Variants in FAM149B1 observed in about 807,000 individuals in gnomAD.
FAM149B1 encodes family with sequence similarity 149 member B1.
FAM149B1 carries 56 observed loss-of-function variants against 75.3 expected under a neutral mutation model. The ratio of observed to expected loss-of-function variants is 0.74; its 90% CI spans 0.60 to 0.93. The LOEUF is 0.93. FAM149B1 is among the 40% of genes least tolerant of loss of function. The pLI, the probability that FAM149B1 is intolerant of heterozygous loss-of-function variation, is 0.00. For missense variants in FAM149B1, 639 were observed against 708.4 expected, an observed-to-expected ratio of 0.90 and a Z score of 1.11; for synonymous variants, 259 against 256.1, an observed-to-expected ratio of 1.01 and a Z score of -0.11.
At chr10:73,177,246 C>T (rs1371778627) in intron 2 of FAM149B1, among the ~76,000 whole-genome samples, 1 of 152,044 alleles carries the variant, frequency 6.6e-6, no homozygotes, top group Non-Finnish European at 1.5e-5. Context: ...TCAGATACTA[C>T]TATTAGCATT....
chr10:73,231,941 G>T (rs1173885611), intron 9 of FAM149B1, among the ~76,000 whole-genome samples: 1 of 144,938 alleles, frequency 6.9e-6, no homozygotes, highest in Admixed American at 6.8e-5. Context: ...AAAAAAAAAG[G>T]CATAAGTGAA....
chr10:73,194,660 G>C (rs939890987), intron 5 of FAM149B1, among the ~76,000 whole-genome samples: 10 of 137,092 alleles, frequency 7.3e-5, no homozygotes, highest in African/African-American at 1.3e-4. Context: ...ACCGCACCCA[G>C]ACTTTTTTTT....
chr10:73,197,838 A>G (rs1296508761), intron 5 of FAM149B1, among the ~76,000 whole-genome samples: 1 of 152,154 alleles, frequency 6.6e-6, no homozygotes, highest in East Asian at 1.9e-4. Context: ...AGGCCAGAAA[A>G]GGATCCTGAA....
chr10:73,181,293 G>A (rs963179149), intron 3 of FAM149B1, among the ~76,000 whole-genome samples: 1 of 152,180 alleles, frequency 6.6e-6, no homozygotes, highest in South Asian at 2.1e-4. Flanking sequence ...ATAGGCGTGA[G>A]CCACCACACC....
At chr10:73,205,135 C>T (rs2043027709) in intron 5 of FAM149B1, among the ~76,000 whole-genome samples, 1 of 151,462 alleles carries the variant, frequency 6.6e-6, no homozygotes, top group Admixed American at 6.6e-5. Context: ...TTTTAAAAAA[C>T]TTGTTGTATA....
intron 1 of FAM149B1, among the ~76,000 whole-genome samples, chr10:73,168,621 T>A (rs1007180927): frequency 4.6e-5 from 7 of 152,242 alleles, no homozygotes; most frequent in Non-Finnish European, 7.3e-5. Flanking sequence ...GAAGCATTTG[T>A]AGCATCCGCA....
At chr10:73,219,536 G>A (rs1235226136) in intron 7 of FAM149B1, among the ~76,000 whole-genome samples, 1 of 152,342 alleles carries the variant, frequency 6.6e-6, no homozygotes, top group Non-Finnish European at 1.5e-5. Context: ...AAAACTGGTT[G>A]TGTGAAACTG....
At position 73,170,826 on chromosome 10, in the gene FAM149B1, A is replaced by G. The variant is rs144949241; in HGVS notation, c.47+2440A>G. Reference sequence around the variant, plus strand: ...TGTGAGGAAACTGTCTTTTCCCAATAAAGTGACTGAGGTTTAGCTAAAAAT... The same window carrying G: ...TGTGAGGAAACTGTCTTTTCCCAATGAAGTGACTGAGGTTTAGCTAAAAAT... On this transcript the variant is annotated intron_variant, in intron 1 of 13. Coordinates refer to ENST00000242505, the MANE Select transcript of FAM149B1 (RefSeq NM_173348.2). Among the ~76,000 whole-genome samples, 291 of 152,350 alleles carry G rather than the reference A, an allele frequency of 1.9e-3. 3 individuals carry two copies. The highest frequency in any genetic ancestry group is 6.6e-3 in the African/African-American group (274 of 41,590).
intron 8 of FAM149B1, among the ~76,000 whole-genome samples, chr10:73,229,843 T>A (rs2043642924): frequency 1.3e-5 from 2 of 152,184 alleles, no homozygotes; most frequent in Admixed American, 6.5e-5. Context: ...AATGAGCTGA[T>A]GACCTGAGAA....
At chr10:73,228,257 C>A (rs370931875) in intron 8 of FAM149B1, 73 bp downstream of exon 8, 24 of 1,299,334 alleles carry the variant, frequency 1.8e-5, no homozygotes, top group African/African-American at 1.5e-4. Flanking sequence ...GAGTTGTTTG[C>A]CTTACTTGTA....
intron 5 of FAM149B1, among the ~76,000 whole-genome samples, chr10:73,195,035 T>A (rs1331067529): frequency 6.6e-6 from 1 of 152,206 alleles, no homozygotes; most frequent in Non-Finnish European, 1.5e-5. Context: ...ACTTTTTAAA[T>A]AGTAGCAAAA....
At chr10:73,180,543 G>A (rs545983630) in intron 3 of FAM149B1, among the ~76,000 whole-genome samples, 37 of 152,176 alleles carry the variant, frequency 2.4e-4, no homozygotes, top group South Asian at 1.5e-3. Context: ...ACTTATAAAC[G>A]TCATACAGAT....
chr10:73,240,913 T>C, intron 13 of FAM149B1, 33 bp from the exon 14 acceptor site: 1 of 1,272,968 alleles, frequency 7.9e-7, no homozygotes. Flanking sequence ...AAACCTAGAC[T>C]GTCTACTAAT....
rs2043741343 is a variant in FAM149B1, at chr10:73,232,965, G to A, written c.1154G>A (p.Arg385Lys). The change falls in exon 10 of 14, where the codon AGG (arginine) becomes AAG (lysine). Residue 385 changes from arginine (R) to lysine (K), a missense_variant. Physicochemically the swap from Arg to Lys is conservative, Grantham distance 26 (BLOSUM62 2). Coordinates refer to ENST00000242505, the MANE Select transcript of FAM149B1 (RefSeq NM_173348.2). ...GATCTTGATGACAAGCTACTTATGA[G>A]GCCTGGGTCCAGTACCATCCTTTCA... ...LLDLDDKLLMRPGSSTILSTR... is the reference protein window; with the variant it reads ...LLDLDDKLLMKPGSSTILSTR... 1 of 1,551,226 alleles carries A rather than the reference G, an allele frequency of 6.4e-7. No individual in the cohort carries two copies. The highest frequency in any genetic ancestry group is 8.7e-7 in the Non-Finnish European group (1 of 1,146,252).
At chr10:73,216,706 C>T (rs2043305666) in intron 7 of FAM149B1, among the ~76,000 whole-genome samples, 1 of 152,190 alleles carries the variant, frequency 6.6e-6, no homozygotes, top group Non-Finnish European at 1.5e-5. Context: ...CCTGTCCCTC[C>T]TCTACCAGGT....
intron 1 of FAM149B1, among the ~76,000 whole-genome samples, chr10:73,170,660 C>A (rs1460570806): frequency 2.0e-5 from 3 of 151,996 alleles, no homozygotes; most frequent in African/African-American, 7.3e-5. Context: ...CTCTCTTTGC[C>A]TTTTAGAAGC....
At chr10:73,197,081 G>A (rs12262651) in intron 5 of FAM149B1, among the ~76,000 whole-genome samples, 23,430 of 152,100 alleles carry the variant, frequency 0.15, 2,973 homozygotes, top group African/African-American at 0.32. Context: ...ACGGGGGACT[G>A]CAGCCTTGAC....
At chr10:73,190,362 A>G (rs1017242554) in intron 3 of FAM149B1, among the ~76,000 whole-genome samples, 3 of 151,984 alleles carry the variant, frequency 2.0e-5, no homozygotes, top group African/African-American at 4.8e-5. Flanking sequence ...GCTAGCCACA[A>G]GTGCCACCAT....
intron 9 of FAM149B1, among the ~76,000 whole-genome samples, chr10:73,231,699 T>G (rs974618092): frequency 6.6e-6 from 1 of 152,172 alleles, no homozygotes; most frequent in Non-Finnish European, 1.5e-5. Context: ...GATTTCAAGC[T>G]TGAGGGAAGC....
Sources: allele counts gnomAD v4.1 joint callset (sites outside exome capture counted in the v4.1 genomes callset), GRCh38; gene constraint gnomAD v4.1.1; transcripts MANE v1.5; gene names NCBI Gene and HGNC (gene_info 2026-07-23, HGNC 2026-07-21).